The following CPPED1 variants were observed in gnomAD, a reference collection of about 807,000 sequenced individuals.
The protein encoded by CPPED1 is serine/threonine-protein phosphatase CPPED1.
CPPED1 carries 28 observed loss-of-function variants against 28.0 expected under a neutral mutation model. The observed-to-expected ratio is 1.00, with a 90% CI of 0.74 to 1.37. The LOEUF is 1.37. Ranked by LOEUF, CPPED1 falls within the 40% of genes most tolerant of loss-of-function variation. The pLI, the probability that CPPED1 is intolerant of heterozygous loss-of-function variation, is 0.00. For synonymous variants in CPPED1, 198 were observed against 180.2 expected (o/e 1.10, Z -0.79); for missense variants, 504 against 416.5 (o/e 1.21, Z -1.83).
At chr16:12,802,560 C>T (rs930366446) in intron 1 of CPPED1, among the ~76,000 whole-genome samples, 1 of 152,158 alleles carries the variant, frequency 6.6e-6, no homozygotes, top group Non-Finnish European at 1.5e-5. Context: ...AAGATCGTGC[C>T]ACTGCACTCC....
At position 12,704,848 on chromosome 16, in the gene CPPED1, T is replaced by C. The variant is rs971453614; in HGVS notation, c.491A>G (p.Asn164Ser). Residue 164 changes from asparagine (N) to serine (S), a missense_variant, in exon 3 of 4, where the codon AAC becomes AGC. Asn to Ser is a conservative substitution (Grantham distance 46). Coordinates refer to ENST00000381774, the MANE Select transcript of CPPED1 (RefSeq NM_018340.3). The stretch of plus-strand genomic sequence containing the variant: ...GGAGGGGTTCTCGTAGAACTGGGAG[T>C]TGAGGACCAGGAACAGGACGCCCCC... ...WVGGVLFLVL[N>S]SQFYENPSKC... The C allele has an allele frequency of 6.2e-7, 1 of 1,613,862 alleles. No individual in the cohort carries two copies. Among genetic ancestry groups the C allele is most frequent in the African/African-American group, 1.3e-5 (1 of 74,854 alleles).
intron 2 of CPPED1, chr16:12,760,494 C>G (rs1405340227): frequency 6.6e-6 from 1 of 152,554 alleles, no homozygotes; most frequent in African/African-American, 2.4e-5. Context: ...CGGTCATATA[C>G]TACTGCTGGG....
chr16:12,677,872 A>G (rs1344854032), intron 3 of CPPED1, among the ~76,000 whole-genome samples: 1 of 152,228 alleles, frequency 6.6e-6, no homozygotes, highest in African/African-American at 2.4e-5. Flanking sequence ...AGGTCTGGAC[A>G]GTAAATATTT....
chr16:12,711,155 A>T lies in CPPED1; in HGVS notation c.290-6106T>A, dbSNP rs1194652916. Among the ~76,000 whole-genome samples the T allele has an allele frequency of 2.6e-5, 4 of 152,226 alleles. No individual in the cohort carries two copies. In the East Asian group the frequency reaches 7.7e-4, roughly 29 times the overall value. ...ATACAACGAAATATTATTCAACCAT[A>T]ATAAAGAAGGGAATTCTGACACATG... is the stretch of plus-strand genomic sequence containing the variant. On this transcript the variant is annotated intron_variant, in intron 2 of 3. Coordinates refer to ENST00000381774, the MANE Select transcript of CPPED1 (RefSeq NM_018340.3).
intron 2 of CPPED1, among the ~76,000 whole-genome samples, chr16:12,767,741 T>C (rs1268096206): frequency 6.6e-6 from 1 of 152,164 alleles, no homozygotes; most frequent in Non-Finnish European, 1.5e-5. Flanking sequence ...GCGGATCATC[T>C]GAGGTCAGGA....
chr16:12,731,663 G>A (rs893240768), intron 2 of CPPED1, among the ~76,000 whole-genome samples: 1 of 151,472 alleles, frequency 6.6e-6, no homozygotes, highest in Non-Finnish European at 1.5e-5. Flanking sequence ...TGAAGGCCGT[G>A]GGCGAGAAGG....
At chr16:12,788,669 C>T (rs2080578510) in intron 1 of CPPED1, among the ~76,000 whole-genome samples, 2 of 152,304 alleles carry the variant, frequency 1.3e-5, no homozygotes, top group Middle Eastern at 3.4e-3. Context: ...CTATTCAGAA[C>T]CTCAGTGCTG....
chr16:12,688,136 T>TTC (rs1281317168), intron 3 of CPPED1, among the ~76,000 whole-genome samples: 1 of 151,494 alleles, frequency 6.6e-6, no homozygotes, highest in East Asian at 1.9e-4. Flanking sequence ...GCTCAGGTGG[T>TTC]TCTCCTGCCT....
In CPPED1 at chr16:12,748,819, G is replaced by A. The variant is rs1203429206; in HGVS notation, c.289+32366C>T. Among the ~76,000 whole-genome samples, 9 of 150,940 alleles carry A rather than the reference G, an allele frequency of 6.0e-5. No individual in the cohort carries two copies. The South Asian group carries it at 1.9e-3, about 32-fold the overall frequency. On this transcript the variant is annotated intron_variant, in intron 2 of 3. Transcript: ENST00000381774. ...AATCACTTGAACCCAGGAGGCAGAG[G>A]CTGCAGTGAGCAGAGATCTCACCAC... is the stretch of plus-strand genomic sequence containing the variant.
chr16:12,709,621 T>A lies in CPPED1; in HGVS notation c.290-4572A>T, dbSNP rs1334044408. ...ATATTCATTAAGGCAGACATTAGTA[T>A]CTTGGTTGTTTTCCAAATAGCCTTA... On this transcript the variant is annotated intron_variant, in intron 2 of 3. Transcript: ENST00000381774. The surrounding 1 kb of genome is among the most constrained non-coding windows in gnomAD (Gnocchi z 4.4). Among the ~76,000 whole-genome samples the A allele has an allele frequency of 6.6e-6, 1 of 152,214 alleles. No homozygotes were observed. The highest frequency in any genetic ancestry group is 1.5e-5 in the Non-Finnish European group (1 of 68,042).
intron 2 of CPPED1, among the ~76,000 whole-genome samples, chr16:12,712,017 G>A (rs867116479): frequency 3.3e-5 from 5 of 152,086 alleles, no homozygotes; most frequent in African/African-American, 9.7e-5. Flanking sequence ...CCCCAGTGCC[G>A]CTGCTACTGT....
intron 1 of CPPED1, 98 bp downstream of exon 1, chr16:12,803,609 G>A (rs894117485): frequency 3.7e-6 from 4 of 1,074,826 alleles, no homozygotes; most frequent in Non-Finnish European, 5.1e-6. Context: ...GCCCCGGATG[G>A]TGTCCGACTG....
chr16:12,683,911 T>C (rs1348206180), intron 3 of CPPED1, among the ~76,000 whole-genome samples: 1 of 152,152 alleles, frequency 6.6e-6, no homozygotes, highest in African/African-American at 2.4e-5. Context: ...CCAGCCTCCT[T>C]CCATCTTTCT....
intron 3 of CPPED1, among the ~76,000 whole-genome samples, chr16:12,690,146 G>A (rs932050650): frequency 6.6e-6 from 1 of 152,074 alleles, no homozygotes; most frequent in African/African-American, 2.4e-5. Context: ...GAGCCCACCT[G>A]GGCTTGAACT....
At chr16:12,730,072 G>A (rs2080189465) in intron 2 of CPPED1, among the ~76,000 whole-genome samples, 1 of 152,002 alleles carries the variant, frequency 6.6e-6, no homozygotes, top group Admixed American at 6.6e-5. Flanking sequence ...ATGTTGCCCA[G>A]GCTGGTTTCA....
rs770559238 is a variant in CPPED1, at chr16:12,781,326, A to G, written c.148T>C (p.Ser50Pro). The G allele has an allele frequency of 3.1e-6, 5 of 1,614,088 alleles. No homozygotes were observed. The highest frequency in any genetic ancestry group is 4.2e-6 in the Non-Finnish European group (5 of 1,180,008). Residue 50 changes from serine to proline, a missense_variant, in exon 2 of 4, where the codon TCC (serine) becomes CCC (proline). Physicochemically the swap from Ser to Pro is moderately conservative, Grantham distance 74. Coordinates refer to ENST00000381774, the MANE Select transcript of CPPED1 (RefSeq NM_018340.3). ...DPQFGLIKAWSTGDCDNGGDE... is the reference protein window; with the variant it reads ...DPQFGLIKAWPTGDCDNGGDE... Reference sequence around the variant, plus strand: ...CCGCCATTGTCACAGTCCCCAGTGGACCAGGCCTTGATCAGCCCAAACTGT... The same window carrying G: ...CCGCCATTGTCACAGTCCCCAGTGGGCCAGGCCTTGATCAGCCCAAACTGT...
chr16:12,696,907 C>T lies in CPPED1; in HGVS notation c.715+7717G>A, dbSNP rs567003284. Among the ~76,000 whole-genome samples, 30 of 152,288 alleles carry T rather than the reference C, an allele frequency of 2.0e-4. No individual in the cohort carries two copies. In the South Asian group the frequency reaches 6.2e-3, roughly 32 times the overall value. ...AAGCCAAATCCTGTCTGTTCACCTG[C>T]CATGTTATAGGACCCCCTGCCCACC... On this transcript the variant is annotated intron_variant, in intron 3 of 3. Transcript: ENST00000381774.
At chr16:12,775,953 C>A (rs2080495128) in intron 2 of CPPED1, among the ~76,000 whole-genome samples, 1 of 152,190 alleles carries the variant, frequency 6.6e-6, no homozygotes, top group Admixed American at 6.5e-5. Context: ...GTAGGCTGAA[C>A]AATGTCCCTC....
intron 2 of CPPED1, among the ~76,000 whole-genome samples, chr16:12,730,510 T>C (rs1172468885): frequency 6.6e-6 from 1 of 152,154 alleles, no homozygotes; most frequent in Non-Finnish European, 1.5e-5. Context: ...GGCAGCTTTA[T>C]TCACAATAGC....
Sources: gnomAD v4.1 joint callset for allele counts (sites outside exome capture counted in the v4.1 genomes callset) on GRCh38, gnomAD v4.1.1 for gene constraint, Gnocchi (gnomAD v3.1) non-coding constraint, MANE v1.5 for transcripts, NCBI Gene and HGNC (gene_info 2026-07-23, HGNC 2026-07-21) for gene names.